Variants in PICALM observed in about 807,000 individuals in gnomAD.
PICALM encodes phosphatidylinositol binding clathrin assembly protein, also known as phosphatidylinositol-binding clathrin assembly protein.
PICALM carries 40 observed loss-of-function variants against 80.5 expected under a neutral mutation model. The ratio of observed to expected loss-of-function variants is 0.50; its 90% confidence interval spans 0.39 to 0.65. The LOEUF is 0.65. Among genes scored for constraint, PICALM ranks in the 30% least tolerant of loss-of-function variants. PICALM has a pLI of 0.00. For missense variants in PICALM, 676 were observed against 778.9 expected (o/e 0.87, Z 1.57); for synonymous variants, 288 against 260.3 (o/e 1.11, Z -1.02).
In PICALM at chr11:86,001,043, C is replaced by A. The variant is rs1431784920; in HGVS notation, c.1009G>T (p.Ala337Ser). ...ALEEEQARLKALKEQRLKELA... is the reference protein window; with the variant it reads ...ALEEEQARLKSLKEQRLKELA... ...AGAATGCACAAACTTACCTTTAAAG[C>A]TTTCAAACGTGCCTGTTCTTCCTCT... The change falls in exon 10 of 20, where the codon GCT (alanine) becomes TCT (serine). Residue 337 changes from alanine (A) to serine (S), a missense_variant. Physicochemically the swap from Ala to Ser is moderately conservative, Grantham distance 99 (BLOSUM62 1). This residue lies in a region of PICALM where 391 missense variants were observed against 383.6 expected (regional missense o/e 1.02). Transcript: ENST00000393346. 1.2e-6 allele frequency: 2 copies of A among 1,613,914 alleles called. No individual in the cohort carries two copies. Among genetic ancestry groups the A allele is most frequent in the Admixed American group, 1.7e-5 (1 of 59,990 alleles).
At chr11:85,985,923 G>A (rs571890718) in intron 13 of PICALM, among the ~76,000 whole-genome samples, 31 of 152,230 alleles carry the variant, frequency 2.0e-4, no homozygotes, top group African/African-American at 7.2e-4. Flanking sequence ...TGATATAAGA[G>A]ATAAGCCTAT....
chr11:85,994,389 T>A (rs1027483541), intron 12 of PICALM, among the ~76,000 whole-genome samples: 32 of 152,368 alleles, frequency 2.1e-4, no homozygotes, highest in African/African-American at 6.5e-4. Context: ...GAATCTTAAA[T>A]GTCTTTCATA....
rs190226733 is a variant in PICALM at position 86,027,154 on chromosome 11, C to T, written c.274-787G>A. Reference sequence around the variant, plus strand: ...AATCCATTTATTTATTATGGATATACTTTGTAATTTTCGCTATTATTAACA... The same window carrying T: ...AATCCATTTATTTATTATGGATATATTTTGTAATTTTCGCTATTATTAACA... On this transcript the variant is annotated intron_variant, in intron 2 of 19. Coordinates refer to ENST00000393346, the MANE Select transcript of PICALM (RefSeq NM_007166.4). Among the ~76,000 whole-genome samples the T allele has an allele frequency of 2.7e-4, 41 of 152,248 alleles. No individual in the cohort carries two copies. The East Asian group carries it at 7.1e-3, about 27-fold the overall frequency.
intron 1 of PICALM, among the ~76,000 whole-genome samples, chr11:86,051,867 A>C (rs1417770200): frequency 1.3e-5 from 2 of 152,180 alleles, no homozygotes. Flanking sequence ...TTTATTCTCT[A>C]TGTCTTCTTA....
intron 1 of PICALM, among the ~76,000 whole-genome samples, chr11:86,049,157 G>A (rs1201581476): frequency 6.6e-6 from 1 of 152,060 alleles, no homozygotes; most frequent in Non-Finnish European, 1.5e-5. Flanking sequence ...GTCAGGCACG[G>A]TGGGTGCACA....
At chr11:86,049,607 C>T (rs535337188) in intron 1 of PICALM, among the ~76,000 whole-genome samples, 5 of 151,528 alleles carry the variant, frequency 3.3e-5, no homozygotes, top group Non-Finnish European at 7.4e-5. Flanking sequence ...GGCTGGAGTG[C>T]AGTGGCGCAA....
intron 6 of PICALM, 111 bp from the exon 7 acceptor site, chr11:86,011,247 C>A (rs2095389183): frequency 1.4e-5 from 8 of 571,108 alleles, no homozygotes; most frequent in Non-Finnish European, 6.1e-6. Context: ...AGCATACATA[C>A]CCTACTAGAA....
chr11:86,046,581 A>G (rs1369882711), intron 1 of PICALM, among the ~76,000 whole-genome samples: 1 of 152,210 alleles, frequency 6.6e-6, no homozygotes, highest in Admixed American at 6.5e-5. Flanking sequence ...CTGTCATGAA[A>G]ATAGCTCAAA....
chr11:86,060,879 T>C (rs2096350615), intron 1 of PICALM, among the ~76,000 whole-genome samples: 1 of 152,152 alleles, frequency 6.6e-6, no homozygotes, highest in Admixed American at 6.6e-5. Flanking sequence ...CTTGAGTTTG[T>C]TGATGACTTT....
Position 86,003,446 on chromosome 11 carries a change from A to G in PICALM, c.813T>C (p.Pro271=). ...RGDIPDLSQA[P]SSLLDALEQH... is the part of the protein sequence containing the mutation. ...GTTCCAAAGCATCAAGAAGACTGCT[A>G]GGGGCCTGCAATTGTACAAATATTA... Residue 271 remains proline (P), a synonymous_variant, in exon 9 of 20, where the codon CCT becomes CCC. Coordinates refer to ENST00000393346, the MANE Select transcript of PICALM (RefSeq NM_007166.4). 1 of 1,576,070 alleles carries G rather than the reference A, an allele frequency of 6.3e-7. No homozygotes were observed. Among genetic ancestry groups the G allele is most frequent in the Non-Finnish European group, 8.7e-7 (1 of 1,153,790 alleles).
intron 1 of PICALM, among the ~76,000 whole-genome samples, chr11:86,046,989 TAAC>T (rs1159960418): frequency 1.3e-5 from 2 of 152,246 alleles, no homozygotes; most frequent in Admixed American, 1.3e-4. Flanking sequence ...TCTTCCAATT[TAAC>T]AACAGCCTTG....
At chr11:85,977,970 T>A (rs1487891680) in intron 17 of PICALM, 7 of 855,848 alleles carry the variant, frequency 8.2e-6, no homozygotes, top group Non-Finnish European at 1.4e-5. Context: ...AAAATCTGAA[T>A]GTGAAAACAA....
intron 1 of PICALM, among the ~76,000 whole-genome samples, chr11:86,032,642 T>C (rs1199452199): frequency 9.2e-5 from 14 of 151,940 alleles, no homozygotes; most frequent in African/African-American, 3.4e-4. Context: ...AAATGTAATA[T>C]AATATAATCC....
intron 12 of PICALM, among the ~76,000 whole-genome samples, chr11:85,993,217 G>C (rs535208375): frequency 2.9e-4 from 44 of 151,832 alleles, no homozygotes; most frequent in Middle Eastern, 3.4e-3. Flanking sequence ...CTTCTGAGTA[G>C]CTGGGACCAC....
chr11:85,960,740 T>G (rs1389873659), intron 19 of PICALM: 1 of 1,317,482 alleles, frequency 7.6e-7, no homozygotes, highest in Admixed American at 2.3e-5. Flanking sequence ...TGAAGCTCTG[T>G]GAGGACTGTG....
chr11:85,966,232 G>A (rs567697670), intron 19 of PICALM, among the ~76,000 whole-genome samples: 119 of 147,710 alleles, frequency 8.1e-4, no homozygotes, highest in Middle Eastern at 4.2e-3. Context: ...CCAAAGACAG[G>A]GTCTAGCTCT....
chr11:85,964,665 G>C (rs975148350), intron 19 of PICALM, among the ~76,000 whole-genome samples: 1 of 113,928 alleles, frequency 8.8e-6, no homozygotes, highest in African/African-American at 3.6e-5. Flanking sequence ...TGTTGTTCTT[G>C]CTCCTCTGCC....
At chr11:85,965,970 C>A (rs1157690669) in intron 19 of PICALM, among the ~76,000 whole-genome samples, 11 of 151,750 alleles carry the variant, frequency 7.2e-5, no homozygotes, top group Admixed American at 7.2e-4. Flanking sequence ...GTGCCTGCCA[C>A]CACGCCTGGC....
rs747486969 is a variant in PICALM, at chr11:85,990,371, A to G, written c.1287T>C (p.Val429=). The change falls in exon 13 of 20, where the codon GTT becomes GTC. Residue 429 remains valine, a synonymous_variant. Transcript: ENST00000393346. ...GATTTAAGCTTGGAATGGCATCATC[A>G]ACAGCATCTACAGTAGCAGAGAAAG... The part of the protein sequence containing the change: ...GDPFSATVDA[V]DDAIPSLNPF... 1.2e-6 allele frequency: 2 copies of G among 1,608,350 alleles called. No homozygotes were observed. Among genetic ancestry groups the G allele is most frequent in the South Asian group, 2.2e-5 (2 of 90,724 alleles).
Sources: gnomAD v4.1 joint callset for allele counts (sites outside exome capture counted in the v4.1 genomes callset) on GRCh38, gnomAD v4.1.1 for gene constraint, gnomAD v4.1.1 regional missense constraint, MANE v1.5 for transcripts, NCBI Gene and HGNC (gene_info 2026-07-23, HGNC 2026-07-21) for gene names.